PRKN: variants seen among roughly 807,000 people sequenced by gnomAD.
The protein encoded by PRKN is E3 ubiquitin-protein ligase parkin.
PRKN carries 56 observed loss-of-function variants against 59.5 expected under a neutral mutation model. The observed-to-expected ratio is 0.94, with a 90% CI of 0.76 to 1.18. PRKN has a LOEUF of 1.18. Among genes scored for constraint, PRKN ranks in the 50% most tolerant of loss-of-function variants. The pLI, the probability that PRKN is intolerant of heterozygous loss-of-function variation, is 0.00. For missense variants in PRKN, 657 were observed against 596.4 expected (o/e 1.10, Z -1.06); for synonymous variants, 250 against 222.1 (o/e 1.13, Z -1.12).
At chr6:162,578,412 GCC>G (rs1380992333) in intron 1 of PRKN, among the ~76,000 whole-genome samples, 1 of 152,160 alleles carries the variant, frequency 6.6e-6, no homozygotes, top group African/African-American at 2.4e-5. Context: ...ACAGTCTGGG[GCC>G]GGGCATGTGA....
rs1260944644 is a variant in PRKN, at chr6:161,393,767, C to A, written c.1084-6890G>T. 6.6e-6 allele frequency among the ~76,000 whole-genome samples: 1 copy of A among 151,126 alleles called. No homozygotes were observed. Among genetic ancestry groups the A allele is most frequent in the East Asian group, 1.9e-4 (1 of 5,194 alleles). On this transcript the variant is annotated intron_variant, in intron 9 of 11. Transcript: ENST00000366898. The surrounding 1 kb of genome is among the most constrained non-coding windows in gnomAD (Gnocchi z 4.7). ...GATCTCTCTATGGAAGCCAAGATTT[C>A]TTTGTGCCTGTTTTCTATCATGGCT...
chr6:161,989,552 C>A (rs1370683538), intron 5 of PRKN, among the ~76,000 whole-genome samples: 3 of 152,128 alleles, frequency 2.0e-5, no homozygotes, highest in Non-Finnish European at 4.4e-5. Flanking sequence ...CCCACCACCT[C>A]TGCTGGCACC....
Position 161,405,305 on chromosome 6 carries a change from T to C in PRKN, c.1084-18428A>G, listed in dbSNP as rs964636977. ...GTTTAAAAGTGGGTCTGACTGGGCA[T>C]GGTGGCTCATGCCTGTAATCTCAGC... On this transcript the variant is annotated intron_variant, in intron 9 of 11. Transcript: ENST00000366898. This position sits in a 1 kb window ranked among gnomAD's most constrained non-coding sequence, Gnocchi z 5.1. 1.3e-5 allele frequency among the ~76,000 whole-genome samples: 2 copies of C among 152,136 alleles called. No individual in the cohort carries two copies. Among genetic ancestry groups the C allele is most frequent in the Non-Finnish European group, 2.9e-5 (2 of 68,034 alleles).
Position 161,622,067 on chromosome 6 carries a change from C to T in PRKN, c.872-52651G>A, listed in dbSNP as rs1021761368. ...GCGCTTTTGGTACCTGTTAGGCCCCCCGTCTCCAACTCCTCGCACCTCCTT... is the reference window on the plus strand; with the variant it reads ...GCGCTTTTGGTACCTGTTAGGCCCCTCGTCTCCAACTCCTCGCACCTCCTT... On this transcript the variant is annotated intron_variant, in intron 7 of 11. Coordinates refer to ENST00000366898, the MANE Select transcript of PRKN (RefSeq NM_004562.3). Among the ~76,000 whole-genome samples, 8 of 152,088 alleles carry T rather than the reference C, an allele frequency of 5.3e-5. No homozygotes were observed. In the East Asian group the frequency reaches 1.4e-3, roughly 26 times the overall value.
chr6:162,559,974 T>A (rs944475693), intron 1 of PRKN, among the ~76,000 whole-genome samples: 4 of 152,186 alleles, frequency 2.6e-5, no homozygotes, highest in African/African-American at 9.6e-5. Context: ...TTCTTCCATA[T>A]AAAATGAGTT....
chr6:161,952,954 C>T (rs1780043090), intron 6 of PRKN, among the ~76,000 whole-genome samples: 2 of 152,106 alleles, frequency 1.3e-5, no homozygotes, highest in South Asian at 4.2e-4. Flanking sequence ...AGTTAATAGC[C>T]CAAGAGGGGC....
intron 9 of PRKN, among the ~76,000 whole-genome samples, chr6:161,542,324 G>A (rs949483327): frequency 3.9e-5 from 6 of 152,140 alleles, no homozygotes; most frequent in Non-Finnish European, 7.3e-5. Flanking sequence ...GTTGCAGGAG[G>A]GGTTGGCACC....
chr6:161,462,340 A>T lies in PRKN; in HGVS notation c.1084-75463T>A, dbSNP rs1437438790. ...TATCTGTGGTTTATAAGCTGGCATA[A>T]GCTGGCATTTTTCAGTCGAAATACC... On this transcript the variant is annotated intron_variant, in intron 9 of 11. Transcript: ENST00000366898. The surrounding 1 kb of genome is among the most constrained non-coding windows in gnomAD (Gnocchi z 4.5). 6.6e-6 allele frequency among the ~76,000 whole-genome samples: 1 copy of T among 152,210 alleles called. No individual in the cohort carries two copies. The highest frequency in any genetic ancestry group is 1.5e-5 in the Non-Finnish European group (1 of 68,040).
Position 162,126,519 on chromosome 6 carries a change from A to C in PRKN, c.535-72345T>G, listed in dbSNP as rs148184916. Among the ~76,000 whole-genome samples, 553 of 152,316 alleles carry C rather than the reference A, an allele frequency of 3.6e-3. 8 individuals carry two copies. The highest frequency in any genetic ancestry group is 0.013 in the African/African-American group (521 of 41,562). ...TTGCCATGGTTCATTTTGGAATAGCAAAGTCACACATTTTCACAAGTTTTC... is the reference window on the plus strand; with the variant it reads ...TTGCCATGGTTCATTTTGGAATAGCCAAGTCACACATTTTCACAAGTTTTC... On this transcript the variant is annotated intron_variant, in intron 4 of 11. Transcript: ENST00000366898.
intron 1 of PRKN, among the ~76,000 whole-genome samples, chr6:162,609,871 C>G (rs1049730633): frequency 1.3e-5 from 2 of 152,112 alleles, no homozygotes; most frequent in East Asian, 1.9e-4. Context: ...TGTGACATAT[C>G]ACAACTAAGC....
chr6:162,624,745 T>C (rs1391874600), intron 1 of PRKN, among the ~76,000 whole-genome samples: 1 of 152,204 alleles, frequency 6.6e-6, no homozygotes, highest in African/African-American at 2.4e-5. Flanking sequence ...CCTCTTGAAC[T>C]CCTGGCCTCA....
At chr6:162,579,056 C>T (rs1224640960) in intron 1 of PRKN, among the ~76,000 whole-genome samples, 3 of 152,018 alleles carry the variant, frequency 2.0e-5, no homozygotes, top group African/African-American at 2.4e-5. Context: ...CCAATTTTTC[C>T]TATCTTTTAA....
chr6:162,659,546 A>G (rs868268962), intron 1 of PRKN, among the ~76,000 whole-genome samples: 1 of 152,164 alleles, frequency 6.6e-6, no homozygotes, highest in African/African-American at 2.4e-5. Context: ...ATCATAATCA[A>G]TAACATAATT....
intron 9 of PRKN, among the ~76,000 whole-genome samples, chr6:161,438,123 G>A (rs1238751928): frequency 6.6e-6 from 1 of 152,072 alleles, no homozygotes; most frequent in African/African-American, 2.4e-5. Flanking sequence ...AATCCACTGA[G>A]GGAGCTGGTC....
At chr6:161,910,218 C>T (rs548568826) in intron 6 of PRKN, among the ~76,000 whole-genome samples, 4 of 152,162 alleles carry the variant, frequency 2.6e-5, no homozygotes, top group African/African-American at 7.2e-5. Flanking sequence ...GGGAAGATGC[C>T]GTGAACATTG....
At chr6:162,108,201 G>T (rs555561546) in intron 4 of PRKN, among the ~76,000 whole-genome samples, 2 of 152,198 alleles carry the variant, frequency 1.3e-5, no homozygotes, top group East Asian at 3.9e-4. Context: ...TATGCAAATG[G>T]TTCCACATGC....
At position 161,731,944 on chromosome 6, in the gene PRKN, AT is replaced by A. The variant is rs1159940844; in HGVS notation, c.871+53827del. On this transcript the variant is annotated intron_variant, in intron 7 of 11. Coordinates refer to ENST00000366898, the MANE Select transcript of PRKN (RefSeq NM_004562.3). ...AGCCATTACATTTACTTTTTTTGGT[AT>A]TTTTTTTTAACTTTTGTTTTAGATT... Among the ~76,000 whole-genome samples the A allele has an allele frequency of 6.0e-5, 9 of 150,978 alleles. No individual in the cohort carries two copies. The South Asian group carries it at 8.4e-4, about 14-fold the overall frequency.
intron 2 of PRKN, among the ~76,000 whole-genome samples, chr6:162,420,693 T>C (rs1331558359): frequency 1.3e-5 from 2 of 152,158 alleles, no homozygotes; most frequent in South Asian, 2.1e-4. Context: ...AATTCAGGGA[T>C]GAATGAAGGA....
Position 162,362,771 on chromosome 6 carries a change from C to G in PRKN, c.171+80539G>C, listed in dbSNP as rs79993614. Reference sequence around the variant, plus strand: ...GGGTACGTGAGGAAGCCTCCTCTAGCCCAGAAAAAAACTTTATTTCACAAA... The same window carrying G: ...GGGTACGTGAGGAAGCCTCCTCTAGGCCAGAAAAAAACTTTATTTCACAAA... On this transcript the variant is annotated intron_variant, in intron 2 of 11. Coordinates refer to ENST00000366898, the MANE Select transcript of PRKN (RefSeq NM_004562.3). Among the ~76,000 whole-genome samples, 953 of 152,070 alleles carry G rather than the reference C, an allele frequency of 6.3e-3. 6 individuals are homozygous for G. The highest frequency in any genetic ancestry group is 0.027 in the Middle Eastern group (8 of 294).
Sources: gnomAD v4.1 joint callset for allele counts (sites outside exome capture counted in the v4.1 genomes callset) on GRCh38, gnomAD v4.1.1 for gene constraint, Gnocchi (gnomAD v3.1) non-coding constraint, MANE v1.5 for transcripts, NCBI Gene and HGNC (gene_info 2026-07-23, HGNC 2026-07-21) for gene names.